AGBL4: variants seen among roughly 807,000 people sequenced by gnomAD.
The protein encoded by AGBL4 is AGBL carboxypeptidase 4.
In AGBL4, 58 loss-of-function variants were observed where a neutral mutation model predicts 66.4. The ratio of observed to expected loss-of-function variants is 0.87; its 90% CI spans 0.71 to 1.09. The LOEUF (loss-of-function observed/expected upper bound fraction) is 1.09, where lower values mean the gene tolerates loss of function less well. Ranked by LOEUF, AGBL4 falls within the 50% of genes least tolerant of loss-of-function variation. AGBL4 has a pLI of 0.00. For synonymous variants in AGBL4, 234 were observed against 222.9 expected, an observed-to-expected ratio of 1.05 and a Z score of -0.44; for missense variants, 579 against 631.0, an observed-to-expected ratio of 0.92 and a Z score of 0.88.
chr1:49,469,869 A>G (rs1646706541), intron 3 of AGBL4: 1 of 151,862 alleles, frequency 6.6e-6, no homozygotes, highest in Non-Finnish European at 1.5e-5. Context: ...TCTTCGGTTA[A>G]GCAGATTGGC....
At chr1:49,469,737 T>C (rs1355116996) in intron 3 of AGBL4, 1 of 151,944 alleles carries the variant, frequency 6.6e-6, no homozygotes, top group Non-Finnish European at 1.5e-5. Context: ...CATAATAATT[T>C]TGATTTAAGC....
At chr1:48,939,925 T>C (rs971295265) in intron 5 of AGBL4, among the ~76,000 whole-genome samples, 1 of 152,222 alleles carries the variant, frequency 6.6e-6, no homozygotes, top group Admixed American at 6.5e-5. Flanking sequence ...AGGGTGCCAC[T>C]GGCATCTAGT....
At chr1:49,640,761 C>T (rs1200284373) in intron 3 of AGBL4, among the ~76,000 whole-genome samples, 1 of 152,096 alleles carries the variant, frequency 6.6e-6, no homozygotes, top group East Asian at 1.9e-4. Context: ...TTTACTTATA[C>T]TTTATACATG....
At chr1:48,682,364 C>T (rs762898410) in intron 6 of AGBL4, among the ~76,000 whole-genome samples, 9 of 151,612 alleles carry the variant, frequency 5.9e-5, no homozygotes, top group African/African-American at 9.7e-5. Flanking sequence ...GTTTTCTCAT[C>T]GGTAAAAGAG....
intron 2 of AGBL4, among the ~76,000 whole-genome samples, chr1:49,760,000 T>C (rs781269927): frequency 6.6e-5 from 10 of 152,190 alleles, no homozygotes; most frequent in Non-Finnish European, 1.3e-4. Flanking sequence ...AGGAGTTTTA[T>C]GGGGGTTGTG....
intron 6 of AGBL4, 98 bp from the exon 7 acceptor site, chr1:48,663,339 T>C: frequency 9.0e-7 from 1 of 1,110,272 alleles, no homozygotes; most frequent in Non-Finnish European, 1.4e-6. Flanking sequence ...ATGGGCTGGA[T>C]GTTTTACATT....
chr1:49,406,388 A>G (rs938077918), intron 3 of AGBL4, among the ~76,000 whole-genome samples: 19 of 152,360 alleles, frequency 1.2e-4, no homozygotes, highest in African/African-American at 4.6e-4. Flanking sequence ...AATCTTACCT[A>G]CAAATGTGAT....
chr1:48,953,298 A>T (rs916838821), intron 5 of AGBL4, among the ~76,000 whole-genome samples: 1 of 152,152 alleles, frequency 6.6e-6, no homozygotes, highest in African/African-American at 2.4e-5. Flanking sequence ...TACAGTTAAC[A>T]CTACTGCCAC....
chr1:48,714,118 G>C (rs12756936), intron 6 of AGBL4, among the ~76,000 whole-genome samples: 83,266 of 152,002 alleles, frequency 0.55, 25,575 homozygotes, highest in Non-Finnish European at 0.7. Flanking sequence ...GAGATGGACA[G>C]ACCCTGAGAG....
rs186257267 is a variant in AGBL4, at chr1:49,539,760, G to A, written c.282+157553C>T. Among the ~76,000 whole-genome samples the A allele has an allele frequency of 8.5e-5, 13 of 152,316 alleles. No individual in the cohort carries two copies. In the East Asian group the frequency reaches 2.5e-3, roughly 29 times the overall value. On this transcript the variant is annotated intron_variant, in intron 3 of 13. Coordinates refer to ENST00000371839, the MANE Select transcript of AGBL4 (RefSeq NM_032785.4). ...CAATATTGAATGAGGGCTGTGAGTA[G>A]CCAAAGAAGGCTTGCCAGAAGAGGA...
intron 2 of AGBL4, among the ~76,000 whole-genome samples, chr1:49,720,164 A>T (rs2124684191): frequency 6.6e-6 from 1 of 152,220 alleles, no homozygotes; most frequent in Non-Finnish European, 1.5e-5. Flanking sequence ...TGAGCATCCC[A>T]AATATAAAAA....
chr1:48,663,778 G>T (rs989505690), intron 6 of AGBL4, among the ~76,000 whole-genome samples: 1 of 152,098 alleles, frequency 6.6e-6, no homozygotes, highest in African/African-American at 2.4e-5. Context: ...CTCCTTTTGT[G>T]TCAGGCACAT....
rs189856557 is a variant in AGBL4 at position 49,295,220 on chromosome 1, A to G, written c.283-49356T>C. The stretch of plus-strand genomic sequence containing the variant: ...AGTGTAAGCATTGAGGATATAACAA[A>G]AAATGCTATGTACCCCCACTCTCCA... On this transcript the variant is annotated intron_variant, in intron 3 of 13. Coordinates refer to ENST00000371839, the MANE Select transcript of AGBL4 (RefSeq NM_032785.4). Among the ~76,000 whole-genome samples, 9 of 152,294 alleles carry G rather than the reference A, an allele frequency of 5.9e-5. No homozygotes were observed. In the East Asian group the frequency reaches 1.7e-3, roughly 29 times the overall value.
chr1:49,949,979 C>T (rs1403793771), intron 1 of AGBL4, among the ~76,000 whole-genome samples: 2 of 142,468 alleles, frequency 1.4e-5, no homozygotes, highest in Non-Finnish European at 3.1e-5. Context: ...TATATACACA[C>T]ATATGTATAT....
chr1:49,265,282 T>G (rs978443541), intron 3 of AGBL4, among the ~76,000 whole-genome samples: 1 of 152,302 alleles, frequency 6.6e-6, no homozygotes, highest in South Asian at 2.1e-4. Flanking sequence ...GAAAAGCTCT[T>G]TGGAGTACGT....
At chr1:49,984,450 T>C (rs1475762528) in intron 1 of AGBL4, among the ~76,000 whole-genome samples, 1 of 152,336 alleles carries the variant, frequency 6.6e-6, no homozygotes, top group South Asian at 2.1e-4. Context: ...AGGTCTTATG[T>C]AACATACGTG....
At chr1:49,167,182 A>G (rs1646650900) in intron 4 of AGBL4, among the ~76,000 whole-genome samples, 1 of 152,206 alleles carries the variant, frequency 6.6e-6, no homozygotes, top group Non-Finnish European at 1.5e-5. Flanking sequence ...AAGATAATCA[A>G]TACCTTTCAA....
intron 3 of AGBL4, among the ~76,000 whole-genome samples, chr1:49,694,487 A>T (rs1285932455): frequency 6.6e-6 from 1 of 152,170 alleles, no homozygotes; most frequent in East Asian, 1.9e-4. Flanking sequence ...GAAACCAGAT[A>T]AACATGTTCA....
At chr1:49,204,270 T>G (rs1348544386) in intron 4 of AGBL4, among the ~76,000 whole-genome samples, 1 of 152,040 alleles carries the variant, frequency 6.6e-6, no homozygotes, top group Non-Finnish European at 1.5e-5. Flanking sequence ...ATTTATCTAT[T>G]TTTTATTGTT....
Sources: allele counts gnomAD v4.1 joint callset (sites outside exome capture counted in the v4.1 genomes callset), GRCh38; gene constraint gnomAD v4.1.1; transcripts MANE v1.5; gene names NCBI Gene and HGNC (gene_info 2026-07-23, HGNC 2026-07-21).